SOWAHA: variants seen among roughly 807,000 people sequenced by gnomAD.
SOWAHA encodes ankyrin repeat domain-containing protein SOWAHA.
A neutral mutation model predicts 21.1 loss-of-function variants in SOWAHA; 17 were observed. The ratio of observed to expected loss-of-function variants is 0.80; its 90% CI spans 0.55 to 1.21. The LOEUF (loss-of-function observed/expected upper bound fraction) is 1.21, where lower values mean the gene tolerates loss of function less well. Ranked by LOEUF, SOWAHA falls within the 50% of genes most tolerant of loss-of-function variation. The pLI is 0.00. For synonymous variants in SOWAHA, 422 were observed against 397.1 expected (o/e 1.06, Z -0.75); for missense variants, 862 against 816.0 (o/e 1.06, Z -0.69).
In SOWAHA at chr5:132,814,152, C is replaced by A; in HGVS notation, c.531C>A (p.Pro177=). Residue 177 remains proline, a synonymous_variant, in exon 1 of 1, where the codon CCC becomes CCA. Transcript: ENST00000378693. ...ALELAQATER[P]SADAAPPPRA... ...AGCTAGCCCAGGCCACCGAGAGACC[C>A]TCCGCAGACGCGGCCCCACCGCCTA... 6.3e-7 allele frequency: 1 copy of A among 1,599,626 alleles called. No individual in the cohort carries two copies. The highest frequency in any genetic ancestry group is 8.5e-7 in the Non-Finnish European group (1 of 1,178,946).
At position 132,815,572 on chromosome 5, in the gene SOWAHA, G is replaced by A; in HGVS notation, c.*301G>A. 3.5e-6 allele frequency: 1 copy of A among 287,794 alleles called. No individual in the cohort carries two copies. Among genetic ancestry groups the A allele is most frequent in the Non-Finnish European group, 6.9e-6 (1 of 144,086 alleles). The allele number at this position is 287,794 out of a possible 1,614,324, so 17.8% of individuals were successfully genotyped here. A position where few individuals can be genotyped will look rare whatever the true frequency, so the allele number is the denominator to read the frequency against. On this transcript the variant is annotated 3_prime_UTR_variant, in exon 1 of 1. Coordinates refer to ENST00000378693, the MANE Select transcript of SOWAHA (RefSeq NM_175873.6). Reference sequence around the variant, plus strand: ...AAGGTTAAGGGGCAGCAGCTGGTCTGGCCCCTGAAAGCCTTCACCTGATGC... The same window carrying A: ...AAGGTTAAGGGGCAGCAGCTGGTCTAGCCCCTGAAAGCCTTCACCTGATGC...
Position 132,813,522 on chromosome 5 carries a change from C to A in SOWAHA, c.-100C>A, listed in dbSNP as rs1351765265. ...CGCCCGGCTGGCCGCGGGGAAGGCA[C>A]CAGGTGAGCGCGGCCGCGCCTCCCG... On this transcript the variant is annotated 5_prime_UTR_variant, in exon 1 of 1. Transcript: ENST00000378693. 1 of 793,810 alleles carries A rather than the reference C, an allele frequency of 1.3e-6. No homozygotes were observed. Among genetic ancestry groups the A allele is most frequent in the African/African-American group, 1.8e-5 (1 of 54,768 alleles). 49.2% of individuals were successfully genotyped at this position (793,810 alleles called of 1,614,324 possible).
rs1758347879 is a variant in SOWAHA, at chr5:132,814,278, G to A, written c.657G>A (p.Leu219=). ...CGCCGCAGCAGAAGCCCTGTATGCT[G>A]CCGGTGCGCTGCGTCCCGGCCCCCG... is the stretch of plus-strand genomic sequence containing the variant. ...KGPPQQKPCM[L]PVRCVPAPAT... is the part of the protein sequence containing the mutation. Residue 219 remains leucine (L), a synonymous_variant, in exon 1 of 1, where the codon CTG becomes CTA. Transcript: ENST00000378693. 3 of 1,508,774 alleles carry A rather than the reference G, an allele frequency of 2.0e-6. No homozygotes were observed. The highest frequency in any genetic ancestry group is 2.4e-5 in the South Asian group (2 of 81,792). 93.5% of individuals were successfully genotyped at this position (1,508,774 alleles called of 1,614,324 possible). A position where few individuals can be genotyped will look rare whatever the true frequency, so the allele number is the denominator to read the frequency against.
Position 132,813,362 on chromosome 5 carries a change from G to C in SOWAHA, c.-260G>C, listed in dbSNP as rs1395275041. Among the ~76,000 whole-genome samples, 1 of 151,962 alleles carries C rather than the reference G, an allele frequency of 6.6e-6. No individual in the cohort carries two copies. Among genetic ancestry groups the C allele is most frequent in the African/African-American group, 2.4e-5 (1 of 41,412 alleles). On this transcript the variant is annotated 5_prime_UTR_variant, in exon 1 of 1. Coordinates refer to ENST00000378693, the MANE Select transcript of SOWAHA (RefSeq NM_175873.6). ...AGGCGCCCATTGGACAGAATACAAA[G>C]GCAGAAACCTACCCCGAAGGCCGGG...
In SOWAHA at chr5:132,814,511, C is replaced by CCGCCG. The variant is rs1472913649; in HGVS notation, c.897_901dup (p.Pro301ArgfsTer80). On this transcript the variant is annotated frameshift_variant, in exon 1 of 1. Coordinates refer to ENST00000378693, the MANE Select transcript of SOWAHA (RefSeq NM_175873.6). LOFTEE classifies it high-confidence loss of function. ...CTGAGCCCTGACGCCGAGGAGTTGCCCGCCGCGCCGCCGCCGTCCGCGGTG... is the reference window on the plus strand; with the variant it reads ...CTGAGCCCTGACGCCGAGGAGTTGCCCGCCGCGCCGCGCCGCCGCCGTCCGCGGTG... 6.6e-6 allele frequency: 9 copies of CCGCCG among 1,368,970 alleles called. No individual in the cohort carries two copies. The highest frequency in any genetic ancestry group is 7.5e-6 in the Non-Finnish European group (8 of 1,072,472). 84.8% of individuals were successfully genotyped at this position (1,368,970 alleles called of 1,614,324 possible).
Position 132,813,729 on chromosome 5 carries a change from G to A in SOWAHA, c.108G>A (p.Leu36=), listed in dbSNP as rs1178366376. The change falls in exon 1 of 1, where the codon CTG becomes CTA. Residue 36 remains leucine (L), a synonymous_variant. Transcript: ENST00000378693. ...GGAAGGTGCGCAACTCCGAGCTGCT[G>A]AGCCGCTTCAAGCCGCTGCTCGATG... ...HGGKVRNSEL[L]SRFKPLLDAG... 1.3e-6 allele frequency: 2 copies of A among 1,545,624 alleles called. No homozygotes were observed. Among genetic ancestry groups the A allele is most frequent in the African/African-American group, 1.4e-5 (1 of 72,354 alleles).
chr5:132,813,596 G>C lies in SOWAHA; in HGVS notation c.-26G>C, dbSNP rs1319196917. The C allele has an allele frequency of 4.9e-6, 6 of 1,214,448 alleles. No individual in the cohort carries two copies. Among genetic ancestry groups the C allele is most frequent in the Middle Eastern group, 3.3e-4 (1 of 3,070 alleles). The allele number at this position is 1,214,448 out of a possible 1,614,324, so 75.2% of individuals were successfully genotyped here. ...CGGCGACGCGGCGCCCACCCGCCCC[G>C]GGAGCCAGGAACCCAGGGCCCCACC... On this transcript the variant is annotated 5_prime_UTR_variant, in exon 1 of 1. Coordinates refer to ENST00000378693, the MANE Select transcript of SOWAHA (RefSeq NM_175873.6).
At position 132,814,236 on chromosome 5, in the gene SOWAHA, C is replaced by T. The variant is rs951697770; in HGVS notation, c.615C>T (p.Pro205=). The T allele has an allele frequency of 4.5e-6, 7 of 1,543,400 alleles. No individual in the cohort carries two copies. Among genetic ancestry groups the T allele is most frequent in the Non-Finnish European group, 6.1e-6 (7 of 1,153,258 alleles). ...CSDPPDAEPG[P]GAAKGPPQQK... ...ATCCGCCAGACGCGGAGCCCGGGCC[C>T]GGGGCAGCGAAAGGGCCGCCGCAGC... Residue 205 remains proline, a synonymous_variant, in exon 1 of 1, where the codon CCC becomes CCT. Coordinates refer to ENST00000378693, the MANE Select transcript of SOWAHA (RefSeq NM_175873.6).
Position 132,816,173 on chromosome 5 carries a change from T to G in SOWAHA, c.*902T>G, listed in dbSNP as rs980571175. 6.0e-6 allele frequency: 1 copy of G among 167,104 alleles called. No homozygotes were observed. 10.4% of individuals were successfully genotyped at this position (167,104 alleles called of 1,614,324 possible). ...TGACTACTTAATTTTTTAAAAAAAT[T>G]GTGGTTTGTGAATTGCACCTTTGTG... On this transcript the variant is annotated 3_prime_UTR_variant, in exon 1 of 1. Transcript: ENST00000378693.
Position 132,813,561 on chromosome 5 carries a change from G to C in SOWAHA, c.-61G>C. ...CCGCGCCTCCCGGAACCCCGCTCCC[G>C]CGCGTCCCGCGGCGACGCGGCGCCC... On this transcript the variant is annotated 5_prime_UTR_variant, in exon 1 of 1. Coordinates refer to ENST00000378693, the MANE Select transcript of SOWAHA (RefSeq NM_175873.6). The C allele has an allele frequency of 9.0e-7, 1 of 1,107,932 alleles. No homozygotes were observed. Among genetic ancestry groups the C allele is most frequent in the Non-Finnish European group, 1.1e-6 (1 of 899,092 alleles). 68.6% of individuals were successfully genotyped at this position (1,107,932 alleles called of 1,614,324 possible).
At position 132,813,846 on chromosome 5, in the gene SOWAHA, G is replaced by A; in HGVS notation, c.225G>A (p.Lys75=). 1.9e-6 allele frequency: 3 copies of A among 1,549,342 alleles called. No homozygotes were observed. Among genetic ancestry groups the A allele is most frequent in the Non-Finnish European group, 2.6e-6 (3 of 1,146,326 alleles). Reference sequence around the variant, plus strand: ...TGGTGAAGGAGCTCGACGGCGTCAAGTTCGTGGTGCTGAGGAAGAAGCCCC... The same window carrying A: ...TGGTGAAGGAGCTCGACGGCGTCAAATTCGTGGTGCTGAGGAAGAAGCCCC... ...VAVVKELDGV[K]FVVLRKKPRP... is the part of the protein sequence containing the mutation. Residue 75 remains lysine, a synonymous_variant, in exon 1 of 1, where the codon AAG becomes AAA. Transcript: ENST00000378693.
At position 132,814,936 on chromosome 5, in the gene SOWAHA, G is replaced by A. The variant is rs1247317120; in HGVS notation, c.1315G>A (p.Gly439Ser). ...CTCGTACGCGCTGCGCCGCCTTCTT[G>A]GCGATCCAGGCCTGCGAGGCACCAC... ...GSSYALRRLL[G>S]DPGLRGTTEP... The change falls in exon 1 of 1, where the codon GGC becomes AGC. Residue 439 changes from glycine to serine, a missense_variant. Coordinates refer to ENST00000378693, the MANE Select transcript of SOWAHA (RefSeq NM_175873.6). The A allele has an allele frequency of 6.4e-7, 1 of 1,563,592 alleles. No individual in the cohort carries two copies.
At position 132,813,593 on chromosome 5, in the gene SOWAHA, C is replaced by A; in HGVS notation, c.-29C>A. ...CCGCGGCGACGCGGCGCCCACCCGC[C>A]CCGGGAGCCAGGAACCCAGGGCCCC... On this transcript the variant is annotated 5_prime_UTR_variant, in exon 1 of 1. Transcript: ENST00000378693. The A allele has an allele frequency of 8.3e-7, 1 of 1,210,374 alleles. No homozygotes were observed. The highest frequency in any genetic ancestry group is 1.0e-6 in the Non-Finnish European group (1 of 974,036). 75.0% of individuals were successfully genotyped at this position (1,210,374 alleles called of 1,614,324 possible).
In SOWAHA at chr5:132,815,466, T is replaced by C; in HGVS notation, c.*195T>C. The C allele has an allele frequency of 1.9e-6, 1 of 535,094 alleles. No homozygotes were observed. The highest frequency in any genetic ancestry group is 3.4e-6 in the Non-Finnish European group (1 of 296,182). 33.1% of individuals were successfully genotyped at this position (535,094 alleles called of 1,614,324 possible). On this transcript the variant is annotated 3_prime_UTR_variant, in exon 1 of 1. Transcript: ENST00000378693. The stretch of plus-strand genomic sequence containing the variant: ...CATGACCCATCTCCAGAGATGGGAT[T>C]TGAGAAATCAGTGAGAGCTTCCTAT...
In SOWAHA at chr5:132,814,913, C is replaced by T; in HGVS notation, c.1292C>T (p.Ser431Leu). 6.5e-7 allele frequency: 1 copy of T among 1,548,256 alleles called. No homozygotes were observed. Among genetic ancestry groups the T allele is most frequent in the Non-Finnish European group, 8.7e-7 (1 of 1,147,506 alleles). The change falls in exon 1 of 1, where the codon TCG becomes TTG. Residue 431 changes from serine to leucine, a missense_variant. By Grantham distance (145) the Ser-to-Leu change is moderately radical (BLOSUM62 -2). Transcript: ENST00000378693. ...TACCAGTACCTGCGGCCCGGCTCCT[C>T]GTACGCGCTGCGCCGCCTTCTTGGC... ...RAYQYLRPGS[S>L]YALRRLLGDP...
At position 132,814,279 on chromosome 5, in the gene SOWAHA, C is replaced by A; in HGVS notation, c.658C>A (p.Pro220Thr). The A allele has an allele frequency of 6.6e-7, 1 of 1,508,134 alleles. No homozygotes were observed. Among genetic ancestry groups the A allele is most frequent in the African/African-American group, 1.4e-5 (1 of 69,204 alleles). The allele number at this position is 1,508,134 out of a possible 1,614,324, so 93.4% of individuals were successfully genotyped here. A position where few individuals can be genotyped will look rare whatever the true frequency, so the allele number is the denominator to read the frequency against. Reference sequence around the variant, plus strand: ...GCCGCAGCAGAAGCCCTGTATGCTGCCGGTGCGCTGCGTCCCGGCCCCCGC... The same window carrying A: ...GCCGCAGCAGAAGCCCTGTATGCTGACGGTGCGCTGCGTCCCGGCCCCCGC... Reference protein sequence around the residue: ...GPPQQKPCMLPVRCVPAPATL... With the variant: ...GPPQQKPCMLTVRCVPAPATL... Residue 220 changes from proline (P) to threonine (T), a missense_variant, in exon 1 of 1, where the codon CCG becomes ACG. Physicochemically the swap from Pro to Thr is conservative, Grantham distance 38 (BLOSUM62 -1). Transcript: ENST00000378693.
chr5:132,815,849 T>C lies in SOWAHA; in HGVS notation c.*578T>C, dbSNP rs1758379955. 6.0e-6 allele frequency: 1 copy of C among 166,816 alleles called. No homozygotes were observed. The highest frequency in any genetic ancestry group is 1.5e-5 in the Non-Finnish European group (1 of 68,136). 10.3% of individuals were successfully genotyped at this position (166,816 alleles called of 1,614,324 possible). A position where few individuals can be genotyped will look rare whatever the true frequency, so the allele number is the denominator to read the frequency against. On this transcript the variant is annotated 3_prime_UTR_variant, in exon 1 of 1. Transcript: ENST00000378693. ...ATACTTTGGAATTCTATTTAAAAAA[T>C]AGATGATCAAGATCTAAAGGAAATT...
rs900994103 is a variant in SOWAHA at position 132,816,580 on chromosome 5, A to G, written c.*1309A>G. On this transcript the variant is annotated 3_prime_UTR_variant, in exon 1 of 1. Coordinates refer to ENST00000378693, the MANE Select transcript of SOWAHA (RefSeq NM_175873.6). The stretch of plus-strand genomic sequence containing the variant: ...AGATATGAAATCTGTTTACTCAACC[A>G]ATTTTTTAAATGTCATATTGTGATA... 1.2e-5 allele frequency: 2 copies of G among 167,112 alleles called. No individual in the cohort carries two copies. Among genetic ancestry groups the G allele is most frequent in the East Asian group, 3.8e-4 (2 of 5,208 alleles). The allele number at this position is 167,112 out of a possible 1,614,324, so 10.4% of individuals were successfully genotyped here. A position where few individuals can be genotyped will look rare whatever the true frequency, so the allele number is the denominator to read the frequency against.
chr5:132,815,325 C>G lies in SOWAHA; in HGVS notation c.*54C>G. ...CTATCGTGGCCTGCTCGTCGCAGTC[C>G]AAACCCGCCCAAGACTGCAGCCCAA... is the stretch of plus-strand genomic sequence containing the variant. On this transcript the variant is annotated 3_prime_UTR_variant, in exon 1 of 1. Transcript: ENST00000378693. 1 of 1,458,922 alleles carries G rather than the reference C, an allele frequency of 6.9e-7. No homozygotes were observed. The highest frequency in any genetic ancestry group is 1.4e-5 in the African/African-American group (1 of 71,270). 90.4% of individuals were successfully genotyped at this position (1,458,922 alleles called of 1,614,324 possible).
Sources: gnomAD v4.1 joint callset for allele counts (sites outside exome capture counted in the v4.1 genomes callset) on GRCh38, gnomAD v4.1.1 for gene constraint, MANE v1.5 for transcripts, NCBI Gene and HGNC (gene_info 2026-07-23, HGNC 2026-07-21) for gene names.